ANK1: variants seen among roughly 807,000 people sequenced by gnomAD.
ANK1 encodes ankyrin-1.
A neutral mutation model predicts 210.4 loss-of-function variants in ANK1; 51 were observed. That is an observed-to-expected ratio of 0.24 (90% CI 0.19 to 0.31). The LOEUF is 0.31. Among genes scored for constraint, ANK1 ranks in the 10% least tolerant of loss-of-function variants. The pLI is 1.00. For missense variants in ANK1, 2,051 were observed against 2,504.4 expected (o/e 0.82, Z 3.86); for synonymous variants, 967 against 1,025.9 (o/e 0.94, Z 1.10).
intron 42 of ANK1, among the ~76,000 whole-genome samples, chr8:41,658,291 G>C (rs988167599): frequency 6.6e-6 from 1 of 152,190 alleles, no homozygotes; most frequent in Non-Finnish European, 1.5e-5. Context: ...CATTTGACTT[G>C]CTCCGAGTCA....
intron 1 of ANK1, among the ~76,000 whole-genome samples, chr8:41,814,723 C>T (rs764741039): frequency 8.3e-6 from 1 of 120,068 alleles, no homozygotes; most frequent in Non-Finnish European, 1.8e-5. Context: ...TTTTTAGATT[C>T]TTATTTTTTT....
intron 35 of ANK1, 135 bp downstream of exon 35, chr8:41,688,021 G>T (rs2150582569): frequency 8.8e-7 from 1 of 1,130,126 alleles, no homozygotes. Flanking sequence ...AGCAGACCCA[G>T]CTCAGACAAT....
At chr8:41,719,077 G>T (rs1008706096) in intron 10 of ANK1, among the ~76,000 whole-genome samples, 1 of 152,232 alleles carries the variant, frequency 6.6e-6, no homozygotes, top group African/African-American at 2.4e-5. Flanking sequence ...GCAGAGAGGA[G>T]ATGTGGTTAC....
chr8:41,831,639 CAAA>C (rs143137281), intron 1 of ANK1, among the ~76,000 whole-genome samples: 8 of 58,432 alleles, frequency 1.4e-4, no homozygotes, highest in South Asian at 6.4e-4. Context: ...AAAAGTCTGT[CAAA>C]AAAAAAAAAA....
intron 1 of ANK1, among the ~76,000 whole-genome samples, chr8:41,804,473 T>G (rs1224277875): frequency 6.6e-6 from 1 of 152,200 alleles, no homozygotes; most frequent in Non-Finnish European, 1.5e-5. Flanking sequence ...AACCCCCACA[T>G]GGCCTATCAT....
intron 1 of ANK1, among the ~76,000 whole-genome samples, chr8:41,863,734 A>G (rs1295065606): frequency 6.6e-6 from 1 of 152,206 alleles, no homozygotes; most frequent in African/African-American, 2.4e-5. Flanking sequence ...AGGCCGAGAA[A>G]GCTGTCTCAC....
At chr8:41,780,183 G>A (rs1844979358) in intron 1 of ANK1, among the ~76,000 whole-genome samples, 1 of 152,170 alleles carries the variant, frequency 6.6e-6, no homozygotes, top group Non-Finnish European at 1.5e-5. Flanking sequence ...AATCAGACCA[G>A]ACAGTTGGCC....
intron 1 of ANK1, among the ~76,000 whole-genome samples, chr8:41,788,614 A>C (rs1846943228): frequency 6.6e-6 from 1 of 152,218 alleles, no homozygotes; most frequent in Non-Finnish European, 1.5e-5. Flanking sequence ...ATATGCTGCG[A>C]TATTTAATCA....
In ANK1 at chr8:41,822,168, AAGAAAG is replaced by A. The variant is rs1300276106; in HGVS notation, c.127-64037_127-64032del. Among the ~76,000 whole-genome samples the A allele has an allele frequency of 2.5e-3, 376 of 150,178 alleles. 2 individuals are homozygous for A. Among genetic ancestry groups the A allele is most frequent in the African/African-American group, 8.9e-3 (360 of 40,442 alleles). ...AAAGAAAGAAAGAAAGAAAGAAAGAAAGAAAGAAAGAAAGAAAGAAGGAAAGAAAGA... is the reference window on the plus strand; with the variant it reads ...AAAGAAAGAAAGAAAGAAAGAAAGAAAAAGAAAGAAAGAAGGAAAGAAAGA... On this transcript the variant is annotated intron_variant, in intron 1 of 42. Coordinates refer to the ANK1 transcript ENST00000265709.
intron 1 of ANK1, among the ~76,000 whole-genome samples, chr8:41,839,623 C>T (rs1186120695): frequency 2.0e-5 from 3 of 152,186 alleles, no homozygotes; most frequent in South Asian, 4.1e-4. Flanking sequence ...AGCCCCAAAT[C>T]CTCACCCACT....
At chr8:41,864,105 C>T (rs897736855) in intron 1 of ANK1, among the ~76,000 whole-genome samples, 82 of 152,104 alleles carry the variant, frequency 5.4e-4, no homozygotes, top group African/African-American at 1.9e-3. Flanking sequence ...AAAAAATTAG[C>T]CAGGCATGGC....
At chr8:41,795,427 T>G (rs1437081023) in intron 1 of ANK1, among the ~76,000 whole-genome samples, 1 of 151,986 alleles carries the variant, frequency 6.6e-6, no homozygotes, top group Non-Finnish European at 1.5e-5. Context: ...GAGGATTGCT[T>G]GAATACAGGA....
intron 1 of ANK1, among the ~76,000 whole-genome samples, chr8:41,795,875 T>C (rs577315260): frequency 6.6e-6 from 1 of 152,296 alleles, no homozygotes; most frequent in Non-Finnish European, 1.5e-5. Flanking sequence ...ATAGCAACAA[T>C]ACCGTGTACA....
intron 39 of ANK1, chr8:41,664,729 C>A: frequency 1.4e-6 from 2 of 1,435,948 alleles, no homozygotes; most frequent in Non-Finnish European, 9.5e-7. Context: ...CCGGAGCTCC[C>A]CACAGCAGCG....
chr8:41,839,891 G>A (rs914420624), intron 1 of ANK1, among the ~76,000 whole-genome samples: 2 of 152,186 alleles, frequency 1.3e-5, no homozygotes, highest in Admixed American at 6.5e-5. Context: ...TAATAAAACT[G>A]TATCAACACT....
chr8:41,875,957 C>G (rs1480942903), intron 1 of ANK1, among the ~76,000 whole-genome samples: 2 of 151,984 alleles, frequency 1.3e-5, no homozygotes, highest in African/African-American at 2.4e-5. Flanking sequence ...CGCGCCCGGG[C>G]GCACACTCGC....
upstream of ANK1, among the ~76,000 whole-genome samples, chr8:41,801,707 T>C (rs1168636050): frequency 1.3e-5 from 2 of 152,224 alleles, no homozygotes; most frequent in African/African-American, 2.4e-5. Flanking sequence ...TTTTCTGTTA[T>C]GTTGTTTGTC....
intron 1 of ANK1, among the ~76,000 whole-genome samples, chr8:41,866,114 G>A (rs982682646): frequency 6.6e-5 from 10 of 152,232 alleles, no homozygotes; most frequent in African/African-American, 2.4e-4. Flanking sequence ...GGCCACCAGG[G>A]AGAACTTGCT....
At chr8:41,838,319 T>C (rs1169347994) in intron 1 of ANK1, among the ~76,000 whole-genome samples, 1 of 152,222 alleles carries the variant, frequency 6.6e-6, no homozygotes, top group Non-Finnish European at 1.5e-5. Context: ...CTGAAGTTAA[T>C]GGTTTCCACG....
Sources: gnomAD v4.1 joint callset for allele counts (sites outside exome capture counted in the v4.1 genomes callset) on GRCh38, gnomAD v4.1.1 for gene constraint, MANE v1.5 for transcripts, NCBI Gene and HGNC (gene_info 2026-07-23, HGNC 2026-07-21) for gene names.